Variants in FBXL18 observed in about 807,000 individuals in gnomAD.
The protein encoded by FBXL18 is F-box and leucine rich repeat protein 18.
A neutral mutation model predicts 46.0 loss-of-function variants in FBXL18; 36 were observed. The ratio of observed to expected loss-of-function variants is 0.78; its 90% CI spans 0.60 to 1.03. FBXL18 has a LOEUF of 1.03. FBXL18 is among the 50% of genes least tolerant of loss of function. The pLI, the probability that FBXL18 is intolerant of heterozygous loss-of-function variation, is 0.00. For synonymous variants in FBXL18, 557 were observed against 465.3 expected (o/e 1.20, Z -2.54); for missense variants, 977 against 1,004.1 (o/e 0.97, Z 0.36).
At chr7:5,499,948 C>CT (rs1784188120) in intron 3 of FBXL18, among the ~76,000 whole-genome samples, 1 of 151,658 alleles carries the variant, frequency 6.6e-6, no homozygotes, top group Admixed American at 6.6e-5. Context: ...GCCTGTAGTC[C>CT]CAGCTACTTG....
chr7:5,512,980 G>A (rs1286594269), intron 1 of FBXL18, among the ~76,000 whole-genome samples: 1 of 152,160 alleles, frequency 6.6e-6, no homozygotes, highest in Non-Finnish European at 1.5e-5. Context: ...AAAGGTGACA[G>A]ATACCAACCC....
intron 4 of FBXL18, among the ~76,000 whole-genome samples, chr7:5,470,648 T>A (rs1783411803): frequency 6.6e-6 from 1 of 151,762 alleles, no homozygotes; most frequent in African/African-American, 2.4e-5. Context: ...CCAGGCCCCT[T>A]CCGCAGAGGC....
chr7:5,501,178 C>A lies in FBXL18; in HGVS notation c.1091G>T (p.Arg364Leu), dbSNP rs774712437. 6.2e-7 allele frequency: 1 copy of A among 1,613,196 alleles called. No homozygotes were observed. The highest frequency in any genetic ancestry group is 8.5e-7 in the Non-Finnish European group (1 of 1,179,718). The part of the protein sequence containing the change: ...VHCLSPDSLL[R>L]KAEDDIDSSI... ...GCTGTCGATGTCGTCCTCCGCCTTG[C>A]GGAGCAGCGAGTCTGGGGACAGGCA... is the stretch of plus-strand genomic sequence containing the variant. The change falls in exon 3 of 5, where the codon CGC becomes CTC. Residue 364 changes from arginine (R) to leucine (L), a missense_variant. Transcript: ENST00000382368.
Position 5,481,869 on chromosome 7 carries a change from G to C in FBXL18, c.2063C>G (p.Thr688Ser), listed in dbSNP as rs1427611516. ...CAGGGGGACGTCCCGGATGACGTCGGTCAGGCCCTCGTGGAGCAGAGGGAA... is the reference window on the plus strand; with the variant it reads ...CAGGGGGACGTCCCGGATGACGTCGCTCAGGCCCTCGTGGAGCAGAGGGAA... ...VIFPLLHEGL[T>S]DVIRDVPLVH... Residue 688 changes from threonine to serine, a missense_variant, in exon 5 of 5, where the codon ACC becomes AGC. Thr to Ser is a moderately conservative substitution (Grantham distance 58). Coordinates refer to ENST00000382368, the MANE Select transcript of FBXL18 (RefSeq NM_024963.6). 1 of 1,613,862 alleles carries C rather than the reference G, an allele frequency of 6.2e-7. No individual in the cohort carries two copies. The highest frequency in any genetic ancestry group is 1.7e-5 in the Admixed American group (1 of 60,000).
chr7:5,479,200 G>T lies in FBXL18; in HGVS notation c.*2575C>A, dbSNP rs1215490743. Reference sequence around the variant, plus strand: ...CCAAGGCACTGCACCCCAGCCTCAGGAACAGCCCTTCCCCCAGTCCTGTCT... The same window carrying T: ...CCAAGGCACTGCACCCCAGCCTCAGTAACAGCCCTTCCCCCAGTCCTGTCT... On this transcript the variant is annotated 3_prime_UTR_variant, in exon 5 of 5. Coordinates refer to ENST00000382368, the MANE Select transcript of FBXL18 (RefSeq NM_024963.6). 1 of 152,062 alleles carries T rather than the reference G, an allele frequency of 6.6e-6. No individual in the cohort carries two copies. Among genetic ancestry groups the T allele is most frequent in the Non-Finnish European group, 1.5e-5 (1 of 68,016 alleles). The allele number at this position is 152,062 out of a possible 1,614,324, so 9.4% of individuals were successfully genotyped here.
intron 1 of FBXL18, among the ~76,000 whole-genome samples, chr7:5,505,976 T>C (rs534393446): frequency 6.6e-6 from 1 of 152,298 alleles, no homozygotes; most frequent in South Asian, 2.1e-4. Flanking sequence ...GAGATTCTCC[T>C]GCCTCAGCCT....
At chr7:5,508,064 G>A (rs566452695) in intron 1 of FBXL18, among the ~76,000 whole-genome samples, 5 of 152,070 alleles carry the variant, frequency 3.3e-5, no homozygotes, top group African/African-American at 4.8e-5. Flanking sequence ...GTCAGTTCTC[G>A]AGACTAGCCT....
chr7:5,464,881 C>T lies in FBXL18; in HGVS notation c.2001-17038G>A, dbSNP rs145600088. Reference sequence around the variant, plus strand: ...GAGTTTGAGACCAGCCTGGACAACACGGTGAAACCCCGTCCTACTAAAAAT... The same window carrying T: ...GAGTTTGAGACCAGCCTGGACAACATGGTGAAACCCCGTCCTACTAAAAAT... On this transcript the variant is annotated intron_variant and NMD_transcript_variant, in intron 4 of 6. Transcript: ENST00000415009. Among the ~76,000 whole-genome samples the T allele has an allele frequency of 4.6e-3, 697 of 151,580 alleles. 4 individuals carry two copies. Among genetic ancestry groups the T allele is most frequent in the Non-Finnish European group, 7.4e-3 (500 of 67,910 alleles).
intron 3 of FBXL18, among the ~76,000 whole-genome samples, chr7:5,495,016 G>C (rs1395738964): frequency 1.3e-5 from 2 of 152,334 alleles, no homozygotes; most frequent in Admixed American, 1.3e-4. Flanking sequence ...AGCTTCCTAG[G>C]CTCCCACAGC....
intron 2 of FBXL18, among the ~76,000 whole-genome samples, chr7:5,505,185 G>A (rs1343197368): frequency 6.6e-6 from 1 of 151,882 alleles, no homozygotes; most frequent in East Asian, 1.9e-4. Flanking sequence ...TTCCCTCCCA[G>A]AACCATGTCC....
chr7:5,466,077 C>G (rs1290903011), intron 4 of FBXL18, among the ~76,000 whole-genome samples: 1 of 151,642 alleles, frequency 6.6e-6, no homozygotes, highest in Admixed American at 6.6e-5. Context: ...CTCGGCCTCC[C>G]AAAATGCTGG....
intron 4 of FBXL18, among the ~76,000 whole-genome samples, chr7:5,490,535 G>A (rs1783894826): frequency 6.6e-6 from 1 of 152,208 alleles, no homozygotes. Context: ...TTCCAGAAAG[G>A]GCCTGACAGC....
At position 5,501,374 on chromosome 7, in the gene FBXL18, T is replaced by C. The variant is rs771311349; in HGVS notation, c.895A>G (p.Lys299Glu). ...NVVLDALQLP[K>E]SWLNGSSLLQ... Reference sequence around the variant, plus strand: ...AGGGAAGAGCCGTTCAGCCAGGACTTGGGCAGCTGCAGGGCATCCAGCACG... The same window carrying C: ...AGGGAAGAGCCGTTCAGCCAGGACTCGGGCAGCTGCAGGGCATCCAGCACG... The change falls in exon 3 of 5, where the codon AAG becomes GAG. Residue 299 changes from lysine (K) to glutamate (E), a missense_variant. Physicochemically the swap from Lys to Glu is moderately conservative, Grantham distance 56. Transcript: ENST00000382368. 6.2e-7 allele frequency: 1 copy of C among 1,613,558 alleles called. No homozygotes were observed. The highest frequency in any genetic ancestry group is 2.2e-5 in the East Asian group (1 of 44,804).
At chr7:5,466,623 A>C (rs907332483) in intron 4 of FBXL18, among the ~76,000 whole-genome samples, 2 of 152,122 alleles carry the variant, frequency 1.3e-5, no homozygotes, top group African/African-American at 4.8e-5. Flanking sequence ...CTGATCCGCA[A>C]CTTCCGTTCC....
intron 3 of FBXL18, among the ~76,000 whole-genome samples, chr7:5,492,120 G>A (rs188485938): frequency 6.6e-6 from 1 of 150,662 alleles, no homozygotes. Context: ...GCCCAAGTCC[G>A]CACCAAGGCT....
At chr7:5,464,127 C>T (rs1263416573) in intron 4 of FBXL18, among the ~76,000 whole-genome samples, 2 of 151,940 alleles carry the variant, frequency 1.3e-5, no homozygotes, top group African/African-American at 4.8e-5. Flanking sequence ...GGGCGGATCA[C>T]GAGGCCAGGA....
Position 5,491,297 on chromosome 7 carries a change from A to G in FBXL18, c.1934T>C (p.Met645Thr), listed in dbSNP as rs751802115. Reference protein sequence around the residue: ...AFMARCLQVVMCHLFTGESLA... With the variant: ...AFMARCLQVVTCHLFTGESLA... ...GGACTCCCCGGTGAACAGGTGGCAC[A>G]TGACAACCTGCAGGCAGCGAGCCAT... Residue 645 changes from methionine to threonine, a missense_variant, in exon 4 of 5, where the codon ATG (methionine) becomes ACG (threonine). Met to Thr is a moderately conservative substitution (Grantham distance 81, BLOSUM62 -1). Transcript: ENST00000382368. The G allele has an allele frequency of 5.6e-6, 9 of 1,613,000 alleles. No homozygotes were observed. Among genetic ancestry groups the G allele is most frequent in the Non-Finnish European group, 7.6e-6 (9 of 1,179,852 alleles).
At chr7:5,471,282 C>T (rs912849259), downstream of FBXL18, among the ~76,000 whole-genome samples, 1 of 152,192 alleles carries the variant, frequency 6.6e-6, no homozygotes, top group Non-Finnish European at 1.5e-5. Flanking sequence ...TGCAAACCCT[C>T]GGAACACACG....
At chr7:5,508,234 C>G (rs985943496) in intron 1 of FBXL18, among the ~76,000 whole-genome samples, 4 of 151,320 alleles carry the variant, frequency 2.6e-5, no homozygotes, top group African/African-American at 9.7e-5. Context: ...CCACTGCACT[C>G]CAGCCTGGTG....
Sources: gnomAD v4.1 joint callset for allele counts (sites outside exome capture counted in the v4.1 genomes callset) on GRCh38, gnomAD v4.1.1 for gene constraint, MANE v1.5 for transcripts, NCBI Gene and HGNC (gene_info 2026-07-23, HGNC 2026-07-21) for gene names.